EBF1: variants seen among roughly 807,000 people sequenced by gnomAD.
The protein encoded by EBF1 is EBF transcription factor 1, also known as transcription factor COE1.
Under a neutral mutation model 68.4 loss-of-function variants are expected in EBF1, and 10 were observed. That is an observed-to-expected ratio of 0.15 (90% CI 0.09 to 0.25). The LOEUF is 0.25. Among genes scored for constraint, EBF1 ranks in the 10% least tolerant of loss-of-function variants. The pLI is 1.00. For missense variants in EBF1, 509 were observed against 794.4 expected, an observed-to-expected ratio of 0.64 and a Z score of 4.32; for synonymous variants, 298 against 299.8, an observed-to-expected ratio of 0.99 and a Z score of 0.06.
At chr5:158,926,748 AAAAAAG>A (rs1809792908) in intron 6 of EBF1, among the ~76,000 whole-genome samples, 1 of 151,836 alleles carries the variant, frequency 6.6e-6, no homozygotes, top group Admixed American at 6.6e-5. Context: ...AAAAGAAAAG[AAAAAAG>A]AAAAAGAAAG....
At chr5:158,790,863 T>C (rs1016315691) in intron 9 of EBF1, among the ~76,000 whole-genome samples, 2 of 152,186 alleles carry the variant, frequency 1.3e-5, no homozygotes, top group African/African-American at 2.4e-5. Context: ...AATTAAATTG[T>C]TTTGATGAAG....
At chr5:158,734,280 T>C (rs979051335) in intron 10 of EBF1, among the ~76,000 whole-genome samples, 1 of 152,160 alleles carries the variant, frequency 6.6e-6, no homozygotes, top group African/African-American at 2.4e-5. Context: ...ATATTACTTA[T>C]ATAATCAGAG....
At chr5:159,071,481 T>G (rs1777782091) in intron 6 of EBF1, among the ~76,000 whole-genome samples, 1 of 152,230 alleles carries the variant, frequency 6.6e-6, no homozygotes, top group Admixed American at 6.5e-5. Flanking sequence ...GAAAAGGTTT[T>G]AAGTACCCTT....
In EBF1 at chr5:158,697,399, A is replaced by G; in HGVS notation, c.*1712T>C. 4.9e-6 allele frequency: 1 copy of G among 204,186 alleles called. No homozygotes were observed. 12.6% of individuals were successfully genotyped at this position (204,186 alleles called of 1,614,324 possible). A position where few individuals can be genotyped will look rare whatever the true frequency, so the allele number is the denominator to read the frequency against. The stretch of plus-strand genomic sequence containing the variant: ...GTTTATAACAATACTAAAAATAACT[A>G]TAAATGAAATGTTTAAAAATCACAT... On this transcript the variant is annotated 3_prime_UTR_variant, in exon 16 of 16. Transcript: ENST00000313708.
intron 6 of EBF1, among the ~76,000 whole-genome samples, chr5:159,049,134 C>T (rs970923621): frequency 1.3e-5 from 2 of 152,188 alleles, no homozygotes; most frequent in African/African-American, 4.8e-5. Flanking sequence ...GCTACTTAAA[C>T]TTCCTAAAAT....
At chr5:158,760,699 A>G (rs1273709462) in intron 10 of EBF1, among the ~76,000 whole-genome samples, 3 of 152,184 alleles carry the variant, frequency 2.0e-5, no homozygotes, top group African/African-American at 7.2e-5. Context: ...GTGCGATCTT[A>G]TACCGTAAAG....
At chr5:158,985,737 C>A (rs1224665519) in intron 6 of EBF1, 1 of 152,242 alleles carries the variant, frequency 6.6e-6, no homozygotes, top group Non-Finnish European at 1.5e-5. Context: ...GTGCTATTTG[C>A]CTACTTCTCA....
At chr5:159,084,786 G>GAAAAA in intron 4 of EBF1, 47 bp from the exon 5 acceptor site, 2 of 1,079,010 alleles carry the variant, frequency 1.9e-6, no homozygotes, top group Non-Finnish European at 2.5e-6. Flanking sequence ...AGGAGTAGCA[G>GAAAAA]AAAAAAAAAA....
intron 8 of EBF1, among the ~76,000 whole-genome samples, chr5:158,799,818 T>C (rs1780268071): frequency 6.6e-6 from 1 of 152,198 alleles, no homozygotes. Flanking sequence ...TCTGGTGATC[T>C]TTCCAAAGAA....
chr5:158,885,784 C>T (rs376585847), intron 6 of EBF1, among the ~76,000 whole-genome samples: 29 of 152,324 alleles, frequency 1.9e-4, no homozygotes, highest in South Asian at 1.0e-3. Flanking sequence ...CCTGGGTCTG[C>T]CAAGCACCGA....
intron 6 of EBF1, among the ~76,000 whole-genome samples, chr5:158,944,838 CAT>C (rs1814290979): frequency 6.6e-6 from 1 of 152,142 alleles, no homozygotes; most frequent in African/African-American, 2.4e-5. Flanking sequence ...AGCTTTTATT[CAT>C]ATGTTTGTTG....
intron 4 of EBF1, among the ~76,000 whole-genome samples, chr5:159,092,252 C>T (rs1781781098): frequency 6.6e-6 from 1 of 152,170 alleles, no homozygotes; most frequent in Non-Finnish European, 1.5e-5. Context: ...ATACCAAAAA[C>T]AGTAATGACA....
chr5:158,719,331 G>A (rs1198919996), intron 11 of EBF1, among the ~76,000 whole-genome samples: 2 of 152,148 alleles, frequency 1.3e-5, no homozygotes, highest in African/African-American at 4.8e-5. Context: ...CATGAGGTTG[G>A]TCCTTATGGT....
intron 6 of EBF1, among the ~76,000 whole-genome samples, chr5:159,052,240 A>G (rs1773882289): frequency 6.6e-6 from 1 of 151,260 alleles, no homozygotes; most frequent in South Asian, 2.1e-4. Context: ...CCACGTAGGT[A>G]TATGTGTATT....
intron 10 of EBF1, among the ~76,000 whole-genome samples, chr5:158,738,611 T>G (rs1191412872): frequency 6.6e-6 from 1 of 152,224 alleles, no homozygotes; most frequent in Admixed American, 6.5e-5. Flanking sequence ...CTAGAAATTA[T>G]CTCCTTGGTT....
At chr5:158,784,688 TTAAAAG>T (rs1303572615) in intron 9 of EBF1, among the ~76,000 whole-genome samples, 7 of 151,902 alleles carry the variant, frequency 4.6e-5, no homozygotes, top group Non-Finnish European at 2.9e-5. Context: ...CCTTCAACAC[TTAAAAG>T]TAAAGAAAAA....
At chr5:159,031,199 A>C (rs1428208653) in intron 6 of EBF1, among the ~76,000 whole-genome samples, 1 of 152,232 alleles carries the variant, frequency 6.6e-6, no homozygotes, top group Non-Finnish European at 1.5e-5. Flanking sequence ...AAAAGAAAAG[A>C]GTACAGCCCA....
intron 8 of EBF1, among the ~76,000 whole-genome samples, chr5:158,808,758 A>C (rs1297616786): frequency 1.3e-5 from 2 of 152,156 alleles, no homozygotes; most frequent in Non-Finnish European, 2.9e-5. Flanking sequence ...TAGGAGAAGG[A>C]GAAGGAAAAT....
intron 6 of EBF1, among the ~76,000 whole-genome samples, chr5:158,960,658 T>C (rs1442223488): frequency 1.3e-5 from 2 of 152,246 alleles, no homozygotes; most frequent in Non-Finnish European, 2.9e-5. Context: ...CTCTCCTGAA[T>C]GTGGGCTAGA....
Sources: gnomAD v4.1 joint callset for allele counts (sites outside exome capture counted in the v4.1 genomes callset) on GRCh38, gnomAD v4.1.1 for gene constraint, MANE v1.5 for transcripts, NCBI Gene and HGNC (gene_info 2026-07-23, HGNC 2026-07-21) for gene names.